The following ZNF93 variants were observed in gnomAD, a reference collection of about 807,000 sequenced individuals.
ZNF93 encodes the protein zinc finger protein 93, also known as zinc finger protein 505.
ZNF93 carries 29 observed loss-of-function variants against 45.0 expected under a neutral mutation model. That is an observed-to-expected ratio of 0.64 (90% CI 0.48 to 0.88). ZNF93 has a LOEUF of 0.88. ZNF93 is among the 40% of genes least tolerant of loss of function. The pLI is 0.00. For missense variants in ZNF93, 578 were observed against 724.0 expected (o/e 0.80, Z 2.31); for synonymous variants, 223 against 244.6 (o/e 0.91, Z 0.82).
At chr19:19,929,880 G>T (rs1211044983) in intron 3 of ZNF93, among the ~76,000 whole-genome samples, 1 of 137,556 alleles carries the variant, frequency 7.3e-6, no homozygotes, top group African/African-American at 2.7e-5. Flanking sequence ...GGAGCTTGCA[G>T]TGAGCCGAGA....
At chr19:19,923,471 A>C (rs1168156287) in intron 3 of ZNF93, among the ~76,000 whole-genome samples, 1 of 152,128 alleles carries the variant, frequency 6.6e-6, no homozygotes, top group Non-Finnish European at 1.5e-5. Context: ...AAGCTGTCAG[A>C]GGTTTCTCCT....
chr19:19,921,747 CAG>C (rs1266390419), intron 3 of ZNF93, among the ~76,000 whole-genome samples: 1 of 151,892 alleles, frequency 6.6e-6, no homozygotes, highest in African/African-American at 2.4e-5. Flanking sequence ...TCTGTTTTAT[CAG>C]AGACTAGGAT....
chr19:19,934,956 G>A lies in ZNF93; in HGVS notation c.*138G>A. 1 of 977,494 alleles carries A rather than the reference G, an allele frequency of 1.0e-6. No homozygotes were observed. Among genetic ancestry groups the A allele is most frequent in the Non-Finnish European group, 1.5e-6 (1 of 681,218 alleles). The allele number at this position is 977,494 out of a possible 1,614,324, so 60.6% of individuals were successfully genotyped here. On this transcript the variant is annotated 3_prime_UTR_variant, in exon 4 of 4. Coordinates refer to ENST00000343769, the MANE Select transcript of ZNF93 (RefSeq NM_031218.4). ...GAGGTCCTGCCATTTCGGAGACCTG[G>A]AGGAAGTGGCCCATTTACAGCCATG...
intron 3 of ZNF93, among the ~76,000 whole-genome samples, chr19:19,929,773 C>T (rs1307551307): frequency 6.6e-6 from 1 of 150,980 alleles, no homozygotes; most frequent in East Asian, 2.0e-4. Flanking sequence ...CCCGTCTCTA[C>T]TAAAAATACA....
chr19:19,908,406 C>G (rs2063298613), intron 1 of ZNF93: 1 of 152,134 alleles, frequency 6.6e-6, no homozygotes, highest in Non-Finnish European at 1.5e-5. Context: ...CTTCATAATG[C>G]TCATGTTTCT....
rs1225615352 is a variant in ZNF93 at position 19,929,933 on chromosome 19, G to A, written c.227-3249G>A. ...AGCCTGGGCAACAGAGCGAGACTCCGTCTCAAAAAAAAAAAAAAAAAAAAA... is the reference window on the plus strand; with the variant it reads ...AGCCTGGGCAACAGAGCGAGACTCCATCTCAAAAAAAAAAAAAAAAAAAAA... On this transcript the variant is annotated intron_variant, in intron 3 of 3. Coordinates refer to ENST00000343769, the MANE Select transcript of ZNF93 (RefSeq NM_031218.4). Among the ~76,000 whole-genome samples the A allele has an allele frequency of 1.9e-4, 11 of 58,712 alleles. No individual in the cohort carries two copies. The East Asian group carries it at 2.3e-3, about 12-fold the overall frequency. The allele number at this position is 58,712 out of a possible 152,430, so 38.5% of individuals were successfully genotyped here.
In ZNF93 at chr19:19,933,526, C is replaced by T. The variant is rs2063381468; in HGVS notation, c.571C>T (p.His191Tyr). The T allele has an allele frequency of 6.2e-7, 1 of 1,607,060 alleles. No homozygotes were observed. The highest frequency in any genetic ancestry group is 1.3e-5 in the African/African-American group (1 of 74,480). The change falls in exon 4 of 4, where the codon CAT becomes TAT. Residue 191 changes from histidine (H) to tyrosine (Y), a missense_variant. By Grantham distance (83) the His-to-Tyr change is moderately conservative. This residue lies in a region of ZNF93 where 446 missense variants were observed against 547.6 expected (regional missense o/e 0.81). Coordinates refer to ENST00000343769, the MANE Select transcript of ZNF93 (RefSeq NM_031218.4). ...AFNQFSTLIT[H>Y]KKIHTGEKPY... ...TAACCAGTTCTCAACCCTTATAACACATAAGAAAATTCATACTGGAGAGAA... is the reference window on the plus strand; with the variant it reads ...TAACCAGTTCTCAACCCTTATAACATATAAGAAAATTCATACTGGAGAGAA...
chr19:19,915,477 TTTTAGTAA>T, intron 2 of ZNF93, 71 bp downstream of exon 2: 1 of 1,532,306 alleles, frequency 6.5e-7, no homozygotes, highest in Non-Finnish European at 8.8e-7. Flanking sequence ...GTAGAATGTT[TTTTAGTAA>T]TTTATTCTTT....
intron 1 of ZNF93, among the ~76,000 whole-genome samples, chr19:19,911,087 A>G (rs2063306339): frequency 6.6e-6 from 1 of 152,182 alleles, no homozygotes; most frequent in Non-Finnish European, 1.5e-5. Context: ...GACCACAATT[A>G]TATTTAGCTG....
chr19:19,915,804 T>C (rs1247302905), intron 2 of ZNF93, among the ~76,000 whole-genome samples: 2 of 152,094 alleles, frequency 1.3e-5, no homozygotes, highest in Non-Finnish European at 1.5e-5. Flanking sequence ...ATCGTGCCGT[T>C]GCACTCCAGC....
intron 1 of ZNF93, among the ~76,000 whole-genome samples, chr19:19,913,024 T>G (rs925491150): frequency 2.0e-5 from 3 of 152,222 alleles, no homozygotes; most frequent in African/African-American, 7.2e-5. Context: ...CTGTCCTTAT[T>G]TTTACTAGAA....
chr19:19,933,636 A>G lies in ZNF93; in HGVS notation c.681A>G (p.Lys227=), dbSNP rs201448335. The G allele has an allele frequency of 9.7e-5, 157 of 1,611,094 alleles. No homozygotes were observed. The highest frequency in any genetic ancestry group is 4.8e-4 in the African/African-American group (36 of 74,744). ...NTHKRIHTGE[K]PYKCDKCDKA... is the part of the protein sequence containing the mutation. ...ATAAGAGAATTCATACTGGAGAGAA[A>G]CCATACAAGTGTGATAAATGTGACA... is the stretch of plus-strand genomic sequence containing the variant. The change falls in exon 4 of 4, where the codon AAA becomes AAG. Residue 227 remains lysine (K), a synonymous_variant. Transcript: ENST00000343769.
intron 1 of ZNF93, among the ~76,000 whole-genome samples, chr19:19,902,377 G>A (rs2063275722): frequency 6.6e-6 from 1 of 151,936 alleles, no homozygotes; most frequent in Non-Finnish European, 1.5e-5. Context: ...TCCTGCCTCA[G>A]CCTCTCAAGT....
intron 3 of ZNF93, among the ~76,000 whole-genome samples, chr19:19,924,781 G>A (rs1051522798): frequency 1.3e-5 from 2 of 151,412 alleles, no homozygotes; most frequent in African/African-American, 4.9e-5. Flanking sequence ...GTAGAGAGGG[G>A]GTTTCTCCAT....
chr19:19,900,977 C>G lies in ZNF93; in HGVS notation c.-112C>G. On this transcript the variant is annotated 5_prime_UTR_variant, in exon 1 of 4. Transcript: ENST00000343769. ...CGGTGCAGCCGGAGCTCCAGGTCTCCTCTTCACTACTCTGTGTCCTGTGCT... is the reference window on the plus strand; with the variant it reads ...CGGTGCAGCCGGAGCTCCAGGTCTCGTCTTCACTACTCTGTGTCCTGTGCT... 6.5e-7 allele frequency: 1 copy of G among 1,539,788 alleles called. No homozygotes were observed. Among genetic ancestry groups the G allele is most frequent in the Non-Finnish European group, 9.0e-7 (1 of 1,116,410 alleles).
intron 3 of ZNF93, among the ~76,000 whole-genome samples, chr19:19,923,229 G>A (rs2063346671): frequency 6.6e-6 from 1 of 152,172 alleles, no homozygotes; most frequent in Admixed American, 6.5e-5. Flanking sequence ...GGTATCAGCA[G>A]CGGAGGCTGC....
chr19:19,907,899 A>G (rs922935004), intron 1 of ZNF93: 7 of 152,184 alleles, frequency 4.6e-5, no homozygotes, highest in African/African-American at 1.7e-4. Context: ...TTAAATGGTT[A>G]TTTTAATATT....
At chr19:19,927,232 G>GA in intron 3 of ZNF93, 1 of 398,360 alleles carries the variant, frequency 2.5e-6, no homozygotes, top group Non-Finnish European at 4.4e-6. Flanking sequence ...CCCTCTCTAT[G>GA]AAAAAAATTT....
chr19:19,930,032 A>G (rs2063368639), intron 3 of ZNF93, among the ~76,000 whole-genome samples: 1 of 151,830 alleles, frequency 6.6e-6, no homozygotes, highest in African/African-American at 2.4e-5. Context: ...CACTACCACC[A>G]AGACGTGGAG....
Sources: gnomAD v4.1 joint callset for allele counts (sites outside exome capture counted in the v4.1 genomes callset) on GRCh38, gnomAD v4.1.1 for gene constraint, gnomAD v4.1.1 regional missense constraint, MANE v1.5 for transcripts, NCBI Gene and HGNC (gene_info 2026-07-23, HGNC 2026-07-21) for gene names.